SPMIP2: variants seen among roughly 807,000 people sequenced by gnomAD.
The protein encoded by SPMIP2 is sperm microtubule inner protein 2.
At chr4:158,921,151 A>AGT in the SPMIP2 span, among the ~76,000 whole-genome samples, 107,505 of 152,012 alleles carry the variant, frequency 0.71, 38,807 homozygotes, top group East Asian at 0.95. Flanking sequence ...GTTGTTAGAA[A>AGT]GTGTAGGCTG....
At chr4:159,042,758 G>C in the SPMIP2 span, among the ~76,000 whole-genome samples, 1 of 152,132 alleles carries the variant, frequency 6.6e-6, no homozygotes, top group African/African-American at 2.4e-5. Flanking sequence ...TGCCTTCTGG[G>C]TTCAAGTGAT....
the SPMIP2 span, among the ~76,000 whole-genome samples, chr4:158,969,369 T>C: frequency 6.6e-6 from 1 of 152,186 alleles, no homozygotes; most frequent in South Asian, 2.1e-4. Flanking sequence ...ACAACATATA[T>C]AGTTTGATAA....
At chr4:158,920,610 AC>A in the SPMIP2 span, among the ~76,000 whole-genome samples, 2 of 151,016 alleles carry the variant, frequency 1.3e-5, no homozygotes, top group Non-Finnish European at 3.0e-5. Context: ...TGGGGAAAAA[AC>A]TCCGCCCTGG....
the SPMIP2 span, among the ~76,000 whole-genome samples, chr4:159,017,889 A>G: frequency 6.6e-6 from 1 of 152,190 alleles, no homozygotes; most frequent in Non-Finnish European, 1.5e-5. Context: ...GGGAGGCAAC[A>G]CAAAGCGAGA....
the SPMIP2 span, among the ~76,000 whole-genome samples, chr4:158,898,242 CTTG>C: frequency 6.6e-6 from 1 of 152,100 alleles, no homozygotes; most frequent in African/African-American, 2.4e-5. Flanking sequence ...TTACCGTAGC[CTTG>C]TTGTATAGTT....
the SPMIP2 span, among the ~76,000 whole-genome samples, chr4:159,081,141 G>T: frequency 2.2e-3 from 338 of 151,082 alleles, no homozygotes; most frequent in Non-Finnish European, 3.8e-3. Context: ...GGGTTCAAGT[G>T]ATTCTCCTGT....
At chr4:158,981,553 A>G in the SPMIP2 span, among the ~76,000 whole-genome samples, 1 of 152,182 alleles carries the variant, frequency 6.6e-6, no homozygotes, top group Non-Finnish European at 1.5e-5. Flanking sequence ...GCCAATATTC[A>G]ACATTCTTAA....
At chr4:159,054,967 C>T in the SPMIP2 span, among the ~76,000 whole-genome samples, 1 of 152,174 alleles carries the variant, frequency 6.6e-6, no homozygotes, top group Non-Finnish European at 1.5e-5. Context: ...AACTTATTCC[C>T]CCCATCTGAG....
chr4:159,035,204 G>T, the SPMIP2 span: 1 of 832,784 alleles, frequency 1.2e-6, no homozygotes, highest in African/African-American at 1.7e-5. Context: ...CTCCCTGCTT[G>T]TGACCTGCAC....
chr4:158,918,168 G>C, the SPMIP2 span, among the ~76,000 whole-genome samples: 3 of 152,156 alleles, frequency 2.0e-5, no homozygotes, highest in Admixed American at 2.0e-4. Context: ...ACACGTAATT[G>C]ACACTCAACT....
chr4:159,077,524 C>A, the SPMIP2 span, among the ~76,000 whole-genome samples: 88,210 of 152,044 alleles, frequency 0.58, 25,739 homozygotes, highest in Admixed American at 0.62. Context: ...TCTAACCCAA[C>A]GTTTGAGGTT....
chr4:158,964,206 T>G, the SPMIP2 span, among the ~76,000 whole-genome samples: 1 of 147,008 alleles, frequency 6.8e-6, no homozygotes, highest in Non-Finnish European at 1.5e-5. Flanking sequence ...TGTGGAGGGA[T>G]CATGGAGTGA....
chr4:159,076,561 AT>A, the SPMIP2 span, among the ~76,000 whole-genome samples: 1 of 152,138 alleles, frequency 6.6e-6, no homozygotes, highest in Admixed American at 6.5e-5. Context: ...CATGTTCACA[AT>A]TTAAAATATA....
At chr4:159,014,221 G>A in the SPMIP2 span, among the ~76,000 whole-genome samples, 1 of 152,146 alleles carries the variant, frequency 6.6e-6, no homozygotes, top group African/African-American at 2.4e-5. Context: ...TTGGGAGGCC[G>A]AAGTGGGCGG....
the SPMIP2 span, among the ~76,000 whole-genome samples, chr4:159,041,812 A>G: frequency 2.0e-5 from 3 of 152,332 alleles, no homozygotes; most frequent in East Asian, 5.8e-4. Context: ...ACACTGTGCT[A>G]AACACTTTCC....
chr4:159,073,608 C>T, the SPMIP2 span, among the ~76,000 whole-genome samples: 1 of 152,232 alleles, frequency 6.6e-6, no homozygotes, highest in South Asian at 2.1e-4. Flanking sequence ...AAGCTCTCCT[C>T]TCTGTCCACC....
the SPMIP2 span, among the ~76,000 whole-genome samples, chr4:158,956,731 T>A: frequency 0.018 from 2,812 of 152,320 alleles, 76 homozygotes; most frequent in South Asian, 0.091. Context: ...CATGCTTTAC[T>A]TCCCCATCAT....
chr4:158,967,010 C>T, the SPMIP2 span, among the ~76,000 whole-genome samples: 107,668 of 152,196 alleles, frequency 0.71, 38,529 homozygotes, highest in African/African-American at 0.81. Context: ...CCATTCCAAA[C>T]GCATTACTCT....
chr4:159,022,647 G>T, the SPMIP2 span, among the ~76,000 whole-genome samples: 1 of 152,272 alleles, frequency 6.6e-6, no homozygotes, highest in South Asian at 2.1e-4. Flanking sequence ...CTCCATAAGT[G>T]GTTCTTATGC....
Sources: allele counts gnomAD v4.1 joint callset (sites outside exome capture counted in the v4.1 genomes callset), GRCh38; gene constraint gnomAD v4.1.1; transcripts MANE v1.5; gene names NCBI Gene and HGNC (gene_info 2026-07-23, HGNC 2026-07-21).